Variants in NRG3 observed in about 807,000 individuals in gnomAD.
NRG3 encodes neuregulin 3.
Under a neutral mutation model 66.9 loss-of-function variants are expected in NRG3, and 31 were observed. That is an observed-to-expected ratio of 0.46 (90% CI 0.35 to 0.63). NRG3 has a LOEUF of 0.63. NRG3 is among the 20% of genes least tolerant of loss of function. The pLI is 0.00. For missense variants in NRG3, 910 were observed against 878.9 expected (o/e 1.04, Z -0.45); for synonymous variants, 393 against 359.4 (o/e 1.09, Z -1.06).
chr10:82,215,963 C>CTTTTTTTTTTTTTTTTTTTTTTTTT (rs71894841), intron 1 of NRG3, among the ~76,000 whole-genome samples: 1 of 89,722 alleles, frequency 1.1e-5, no homozygotes, highest in Non-Finnish European at 2.1e-5. Context: ...TTATGTTTTC[C>CTTTTTTTTTTTTTTTTTTTTTTTTT]TTTTTTTTTT....
chr10:82,243,939 GTC>G (rs1410755409), intron 1 of NRG3, among the ~76,000 whole-genome samples: 4 of 152,112 alleles, frequency 2.6e-5, no homozygotes, highest in Non-Finnish European at 5.9e-5. Context: ...GTGAAGATCT[GTC>G]TGGAAATTTT....
chr10:81,950,213 C>T (rs1849223636), intron 1 of NRG3, among the ~76,000 whole-genome samples: 1 of 152,124 alleles, frequency 6.6e-6, no homozygotes, highest in Non-Finnish European at 1.5e-5. Flanking sequence ...TTCACCACAC[C>T]AAAATTCATA....
At chr10:82,860,727 G>A (rs182208762) in intron 3 of NRG3, among the ~76,000 whole-genome samples, 202 of 152,296 alleles carry the variant, frequency 1.3e-3, no homozygotes, top group African/African-American at 4.6e-3. Flanking sequence ...TTAAAAGGAA[G>A]GAAGTTATAT....
chr10:82,312,880 T>G (rs1032937249), intron 1 of NRG3, among the ~76,000 whole-genome samples: 5 of 152,126 alleles, frequency 3.3e-5, no homozygotes, highest in Non-Finnish European at 7.3e-5. Flanking sequence ...GAAAATGGAT[T>G]GATAATTAAT....
At chr10:82,915,489 A>G (rs986071776) in intron 4 of NRG3, among the ~76,000 whole-genome samples, 6 of 152,216 alleles carry the variant, frequency 3.9e-5, no homozygotes, top group African/African-American at 7.2e-5. Context: ...TTAAAAACAA[A>G]ATGTGTATCT....
chr10:82,679,318 C>G (rs1407354202), intron 2 of NRG3, among the ~76,000 whole-genome samples: 4 of 152,100 alleles, frequency 2.6e-5, no homozygotes, highest in Non-Finnish European at 4.4e-5. Context: ...ACGTTCAATG[C>G]TCAGCTAAGT....
At chr10:82,649,459 C>CTTTTTTTTTTTTTTTTTT (rs71469930) in intron 2 of NRG3, among the ~76,000 whole-genome samples, 1 of 48,794 alleles carries the variant, frequency 2.0e-5, no homozygotes, top group African/African-American at 6.3e-5. Flanking sequence ...CTGGTGCAGG[C>CTTTTTTTTTTTTTTTTTT]TTTTTTTTTT....
At chr10:82,113,745 T>A (rs1036857195) in intron 1 of NRG3, among the ~76,000 whole-genome samples, 9 of 152,148 alleles carry the variant, frequency 5.9e-5, no homozygotes, top group African/African-American at 2.2e-4. Context: ...GATGTTAATT[T>A]TAGGGGAAGC....
At chr10:82,198,590 A>T (rs2074577159) in intron 1 of NRG3, among the ~76,000 whole-genome samples, 1 of 152,182 alleles carries the variant, frequency 6.6e-6, no homozygotes, top group South Asian at 2.1e-4. Context: ...TTTCTCTCTG[A>T]GGTTTAAAAA....
chr10:82,137,585 G>A (rs2132596921), intron 1 of NRG3, among the ~76,000 whole-genome samples: 1 of 152,298 alleles, frequency 6.6e-6, no homozygotes, highest in African/African-American at 2.4e-5. Flanking sequence ...TTCGTAAACA[G>A]ATCAGATTAT....
chr10:81,960,249 T>C (rs1850224486), intron 1 of NRG3, among the ~76,000 whole-genome samples: 1 of 152,210 alleles, frequency 6.6e-6, no homozygotes, highest in African/African-American at 2.4e-5. Flanking sequence ...GAGAGTTTTC[T>C]TACTAAAATT....
chr10:82,276,728 T>C (rs2078868483), intron 1 of NRG3, among the ~76,000 whole-genome samples: 1 of 152,012 alleles, frequency 6.6e-6, no homozygotes, highest in South Asian at 2.1e-4. Context: ...GTGTAATTCT[T>C]CTTATGTGGT....
intron 2 of NRG3, among the ~76,000 whole-genome samples, chr10:82,450,832 AC>A (rs759496475): frequency 3.9e-4 from 59 of 152,278 alleles, no homozygotes; most frequent in South Asian, 6.2e-4. Context: ...CTAATAAAAT[AC>A]TCAACAGTTG....
chr10:82,055,180 T>TGAAAAAA (rs2063775492), intron 1 of NRG3, among the ~76,000 whole-genome samples: 1 of 151,584 alleles, frequency 6.6e-6, no homozygotes, highest in Non-Finnish European at 1.5e-5. Flanking sequence ...GTGATCTTGA[T>TGAAAAAA]GAAAAAAGAA....
chr10:82,062,633 GAATT>G lies in NRG3; in HGVS notation c.823+186473_823+186476del, dbSNP rs1418962379. ...AAAAAAAGAAAAAGAAAAAAAATAA[GAATT>G]AAGGGAAAGCTGGCTCCCAGGCAAT... On this transcript the variant is annotated intron_variant, in intron 1 of 8. Transcript: ENST00000372141. Among the ~76,000 whole-genome samples the G allele has an allele frequency of 9.2e-5, 14 of 151,724 alleles. 2 individuals carry two copies. In the South Asian group the frequency reaches 2.3e-3, roughly 25 times the overall value.
chr10:81,960,860 C>G (rs1850289015), intron 1 of NRG3, among the ~76,000 whole-genome samples: 2 of 152,114 alleles, frequency 1.3e-5, no homozygotes, highest in South Asian at 2.1e-4. Flanking sequence ...CTACAAATCC[C>G]TGGCTTTAGG....
At chr10:81,878,319 T>C (rs1398792955) in intron 1 of NRG3, among the ~76,000 whole-genome samples, 2 of 152,342 alleles carry the variant, frequency 1.3e-5, no homozygotes, top group East Asian at 3.9e-4. Context: ...AGAAGTTGAA[T>C]TAAGGTATGT....
At chr10:82,971,812 C>T (rs964894646) in intron 6 of NRG3, among the ~76,000 whole-genome samples, 5 of 152,160 alleles carry the variant, frequency 3.3e-5, no homozygotes, top group African/African-American at 1.2e-4. Flanking sequence ...TGGTAGATTG[C>T]TCATTCTATG....
chr10:82,615,141 A>G (rs1350538956), intron 2 of NRG3, among the ~76,000 whole-genome samples: 1 of 152,208 alleles, frequency 6.6e-6, no homozygotes, highest in Admixed American at 6.5e-5. Context: ...TTAATTACCT[A>G]TCACATAAAA....
Sources: gnomAD v4.1 joint callset for allele counts (sites outside exome capture counted in the v4.1 genomes callset) on GRCh38, gnomAD v4.1.1 for gene constraint, MANE v1.5 for transcripts, NCBI Gene and HGNC (gene_info 2026-07-23, HGNC 2026-07-21) for gene names.